HDAC9: variants seen among roughly 807,000 people sequenced by gnomAD.
HDAC9 encodes the protein histone deacetylase 9.
HDAC9 carries 41 observed loss-of-function variants against 139.4 expected under a neutral mutation model. The ratio of observed to expected loss-of-function variants is 0.29; its 90% confidence interval spans 0.23 to 0.38. HDAC9 has a LOEUF of 0.38. Ranked by LOEUF, HDAC9 falls within the 10% of genes least tolerant of loss-of-function variation. The pLI, the probability that HDAC9 is intolerant of heterozygous loss-of-function variation, is 1.00. For missense variants in HDAC9, 1,147 were observed against 1,297.0 expected (o/e 0.88, Z 1.78); for synonymous variants, 517 against 476.2 (o/e 1.09, Z -1.12).
chr7:18,129,225 A>G (rs1383626615), intron 1 of HDAC9, among the ~76,000 whole-genome samples: 1 of 152,162 alleles, frequency 6.6e-6, no homozygotes, highest in Non-Finnish European at 1.5e-5. Flanking sequence ...GATTTCATTA[A>G]CACTGAAATT....
chr7:18,848,130 A>G (rs1466171986), intron 21 of HDAC9, among the ~76,000 whole-genome samples: 1 of 152,138 alleles, frequency 6.6e-6, no homozygotes, highest in Non-Finnish European at 1.5e-5. Context: ...AAGGAACCAT[A>G]TTAGGAACCC....
At chr7:18,911,301 TGTTGTATA>T (rs1333735027) in intron 22 of HDAC9, among the ~76,000 whole-genome samples, 1 of 151,828 alleles carries the variant, frequency 6.6e-6, no homozygotes, top group Non-Finnish European at 1.5e-5. Context: ...AATGTCTTGT[TGTTGTATA>T]GTTGTATAGT....
chr7:18,229,662 A>C (rs1477741812), intron 2 of HDAC9, among the ~76,000 whole-genome samples: 1 of 152,190 alleles, frequency 6.6e-6, no homozygotes, highest in Non-Finnish European at 1.5e-5. Flanking sequence ...GGAAGGAGTG[A>C]TTATAACTGA....
intron 21 of HDAC9, chr7:18,851,578 T>A: frequency 6.6e-6 from 1 of 152,218 alleles, no homozygotes; most frequent in Non-Finnish European, 1.5e-5. Context: ...ACAGGTGCTC[T>A]ACGTTCGTAT....
At chr7:18,986,376 G>A (rs1364485287) in intron 25 of HDAC9, among the ~76,000 whole-genome samples, 7 of 43,856 alleles carry the variant, frequency 1.6e-4, no homozygotes, top group African/African-American at 6.5e-4. Context: ...AGATCAGATA[G>A]TTGTAGATAT....
At chr7:18,254,162 A>C (rs1352245205) in intron 2 of HDAC9, among the ~76,000 whole-genome samples, 1 of 152,246 alleles carries the variant, frequency 6.6e-6, no homozygotes, top group East Asian at 1.9e-4. Context: ...ATATCAAATA[A>C]ATTGGTGAAT....
intron 1 of HDAC9, among the ~76,000 whole-genome samples, chr7:18,100,184 A>G (rs1782756941): frequency 6.6e-6 from 1 of 151,914 alleles, no homozygotes; most frequent in South Asian, 2.1e-4. Flanking sequence ...ACCTGCTGTC[A>G]TTCTTACTTT....
chr7:18,503,952 AC>A (rs1402683640), intron 2 of HDAC9, among the ~76,000 whole-genome samples: 2 of 152,162 alleles, frequency 1.3e-5, no homozygotes, highest in South Asian at 2.1e-4. Context: ...AACAAAATAA[AC>A]CCCCCAAAAT....
At chr7:18,327,142 A>G (rs1195459144) in intron 1 of HDAC9, among the ~76,000 whole-genome samples, 1 of 151,774 alleles carries the variant, frequency 6.6e-6, no homozygotes, top group African/African-American at 2.4e-5. Context: ...TTATTGGACT[A>G]TTTAATTTAG....
chr7:18,256,886 G>T (rs1795280953), intron 2 of HDAC9, among the ~76,000 whole-genome samples: 1 of 151,978 alleles, frequency 6.6e-6, no homozygotes, highest in African/African-American at 2.4e-5. Flanking sequence ...CCGAGAGTTT[G>T]AGACCAGACT....
chr7:18,908,482 A>G (rs980976182), intron 22 of HDAC9, among the ~76,000 whole-genome samples: 3 of 152,088 alleles, frequency 2.0e-5, no homozygotes, highest in African/African-American at 7.2e-5. Flanking sequence ...AAACGCTAGA[A>G]GGTATTCCTC....
intron 1 of HDAC9, chr7:18,429,097 T>A (rs1029406368): frequency 1.3e-5 from 2 of 152,220 alleles, no homozygotes; most frequent in East Asian, 1.9e-4. Flanking sequence ...ACAGTCCTTA[T>A]CACCAACTAG....
intron 25 of HDAC9, among the ~76,000 whole-genome samples, chr7:18,995,263 T>G (rs1316436651): frequency 1.3e-5 from 2 of 152,204 alleles, no homozygotes; most frequent in Non-Finnish European, 2.9e-5. Context: ...CCCAGTAATC[T>G]TCCCATGACA....
At chr7:18,910,215 G>C (rs1802623553) in intron 22 of HDAC9, among the ~76,000 whole-genome samples, 1 of 151,824 alleles carries the variant, frequency 6.6e-6, no homozygotes, top group South Asian at 2.1e-4. Flanking sequence ...TTTACTTTCT[G>C]TGTCTTCTTC....
chr7:18,205,202 T>G (rs572117577), intron 2 of HDAC9, among the ~76,000 whole-genome samples: 1 of 152,178 alleles, frequency 6.6e-6, no homozygotes, highest in East Asian at 1.9e-4. Flanking sequence ...AATTTCCCCT[T>G]TATCATATTA....
intron 1 of HDAC9, among the ~76,000 whole-genome samples, chr7:18,302,148 T>C (rs917432674): frequency 6.6e-6 from 1 of 152,162 alleles, no homozygotes; most frequent in African/African-American, 2.4e-5. Flanking sequence ...AAGTAGAAAA[T>C]GTACATGTGA....
Position 18,136,736 on chromosome 7 carries a change from G to A in HDAC9, c.-96-25493G>A, listed in dbSNP as rs1272158506. Among the ~76,000 whole-genome samples, 48 of 151,066 alleles carry A rather than the reference G, an allele frequency of 3.2e-4. 1 individual carries two copies. The highest frequency in any genetic ancestry group is 4.6e-4 in the Non-Finnish European group (31 of 67,512). ...GTAGTATAGTTTGAAGTCAGGTAGC[G>A]TGATGCCTCCAGCTTTGTTCTTTTG... On this transcript the variant is annotated intron_variant, in intron 1 of 12. Transcript: ENST00000417496.
Position 18,969,010 on chromosome 7 carries a change from G to T in HDAC9, c.3023-6796G>T, listed in dbSNP as rs1026758900. 4.2e-5 allele frequency among the ~76,000 whole-genome samples: 6 copies of T among 141,654 alleles called. No individual in the cohort carries two copies. The Admixed American group carries it at 4.3e-4, about 10-fold the overall frequency. 92.9% of individuals were successfully genotyped at this position (141,654 alleles called of 152,430 possible). A position where few individuals can be genotyped will look rare whatever the true frequency, so the allele number is the denominator to read the frequency against. On this transcript the variant is annotated intron_variant, in intron 24 of 25. Coordinates refer to ENST00000686413, the MANE Select transcript of HDAC9 (RefSeq NM_178425.4). The stretch of plus-strand genomic sequence containing the variant: ...ATCACTTTATCCTCTAAATAAAGGA[G>T]GATAAAGTGGCTAGAATTTGTGAGG...
At chr7:18,153,850 C>T (rs868372906) in intron 1 of HDAC9, among the ~76,000 whole-genome samples, 2 of 152,142 alleles carry the variant, frequency 1.3e-5, no homozygotes, top group Non-Finnish European at 2.9e-5. Flanking sequence ...TGGTTTCCTT[C>T]TACATTGTGT....
Sources: gnomAD v4.1 joint callset for allele counts (sites outside exome capture counted in the v4.1 genomes callset) on GRCh38, gnomAD v4.1.1 for gene constraint, MANE v1.5 for transcripts, NCBI Gene and HGNC (gene_info 2026-07-23, HGNC 2026-07-21) for gene names.